The following HECW1 variants were observed in gnomAD, a reference collection of about 807,000 sequenced individuals.
HECW1 encodes the protein E3 ubiquitin-protein ligase HECW1.
In HECW1, 61 loss-of-function variants were observed where a neutral mutation model predicts 182.3. The observed-to-expected ratio is 0.33, with a 90% CI of 0.27 to 0.41. The LOEUF is 0.41. Ranked by LOEUF, HECW1 falls within the 10% of genes least tolerant of loss-of-function variation. The pLI is 1.00. For synonymous variants in HECW1, 859 were observed against 832.6 expected, an observed-to-expected ratio of 1.03 and a Z score of -0.55; for missense variants, 1,739 against 2,108.9, an observed-to-expected ratio of 0.82 and a Z score of 3.44.
At chr7:43,520,389 A>G (rs1200974260) in intron 24 of HECW1, among the ~76,000 whole-genome samples, 1 of 152,066 alleles carries the variant, frequency 6.6e-6, no homozygotes, top group Non-Finnish European at 1.5e-5. Flanking sequence ...CTGCCTTGAG[A>G]CACCATCTGC....
At chr7:43,119,742 A>C (rs918438462) in intron 2 of HECW1, among the ~76,000 whole-genome samples, 1 of 152,150 alleles carries the variant, frequency 6.6e-6, no homozygotes, top group African/African-American at 2.4e-5. Flanking sequence ...TCTCAGGGAC[A>C]ACTCTGTCCT....
intron 14 of HECW1, among the ~76,000 whole-genome samples, chr7:43,466,152 A>AGAAGGAAGGAAG: frequency 6.8e-6 from 1 of 147,976 alleles, no homozygotes; most frequent in South Asian, 2.2e-4. Context: ...AGAGAGAGAA[A>AGAAGGAAGGAAG]GAAGGAAGGA....
At chr7:43,552,602 A>G (rs1480914769) in intron 28 of HECW1, among the ~76,000 whole-genome samples, 3 of 152,138 alleles carry the variant, frequency 2.0e-5, no homozygotes, top group Admixed American at 2.0e-4. Context: ...GGCAACCATC[A>G]ATCTGCCTTC....
At chr7:43,466,090 AAG>A (rs1256796497) in intron 14 of HECW1, among the ~76,000 whole-genome samples, 13 of 148,094 alleles carry the variant, frequency 8.8e-5, no homozygotes, top group African/African-American at 2.7e-4. Flanking sequence ...AGAGAGAAGA[AAG>A]AGAAAGAAGG....
intron 3 of HECW1, among the ~76,000 whole-genome samples, chr7:43,266,702 T>A (rs1406099628): frequency 2.0e-5 from 3 of 152,164 alleles, no homozygotes; most frequent in Non-Finnish European, 2.9e-5. Context: ...AAATATATAT[T>A]TTTATTATAC....
chr7:43,274,919 A>T (rs1480940127), intron 3 of HECW1, among the ~76,000 whole-genome samples: 3 of 152,188 alleles, frequency 2.0e-5, no homozygotes, highest in African/African-American at 7.2e-5. Context: ...TAAAAAAATT[A>T]AAAACTATAC....
chr7:43,209,315 G>C (rs1178912093), intron 2 of HECW1, among the ~76,000 whole-genome samples: 1 of 152,162 alleles, frequency 6.6e-6, no homozygotes, highest in Non-Finnish European at 1.5e-5. Flanking sequence ...CAGAGCCAGA[G>C]CTGATGATGC....
chr7:43,444,927 G>A lies in HECW1; in HGVS notation c.1755G>A (p.Ala585=), dbSNP rs747641561. 1.0e-5 allele frequency: 16 copies of A among 1,591,986 alleles called. No individual in the cohort carries two copies. The highest frequency in any genetic ancestry group is 8.0e-5 in the African/African-American group (6 of 74,580). Residue 585 remains alanine (A), a synonymous_variant, in exon 11 of 30, where the codon GCG becomes GCA. Coordinates refer to ENST00000395891, the MANE Select transcript of HECW1 (RefSeq NM_015052.5). This position sits in a 1 kb window ranked among gnomAD's most constrained non-coding sequence, Gnocchi z 4.3. ...GCGCGGCAGAGGAGGAGGACGGCGC[G>A]GAGGAGGAGTCCACCCTCAAGGACT... ...GGSAAEEEDG[A]EEESTLKDSS... is the part of the protein sequence containing the mutation.
At chr7:43,473,141 G>A (rs529886536) in intron 16 of HECW1, among the ~76,000 whole-genome samples, 1 of 152,182 alleles carries the variant, frequency 6.6e-6, no homozygotes, top group South Asian at 2.1e-4. Flanking sequence ...AAAACAGCCT[G>A]GCACCCACCC....
At chr7:43,226,289 C>T (rs993736891) in intron 2 of HECW1, among the ~76,000 whole-genome samples, 3 of 152,112 alleles carry the variant, frequency 2.0e-5, no homozygotes, top group African/African-American at 7.2e-5. Context: ...TTCTTATTTC[C>T]GTAATTTTGC....
At chr7:43,453,472 A>G (rs2077301360) in intron 12 of HECW1, among the ~76,000 whole-genome samples, 1 of 152,204 alleles carries the variant, frequency 6.6e-6, no homozygotes, top group Non-Finnish European at 1.5e-5. Flanking sequence ...GAAGGATCCA[A>G]CACTTGGTTT....
chr7:43,165,046 T>A (rs1790957688), intron 2 of HECW1, among the ~76,000 whole-genome samples: 1 of 152,206 alleles, frequency 6.6e-6, no homozygotes, highest in Non-Finnish European at 1.5e-5. Flanking sequence ...ACATTTCCAC[T>A]TTTGGAGAAA....
At chr7:43,128,340 C>A (rs898914407) in intron 2 of HECW1, among the ~76,000 whole-genome samples, 23 of 152,238 alleles carry the variant, frequency 1.5e-4, no homozygotes, top group Admixed American at 5.9e-4. Flanking sequence ...AAGTTGAAGC[C>A]AATGCCCATT....
At chr7:43,315,769 C>T (rs1809162817) in intron 4 of HECW1, among the ~76,000 whole-genome samples, 1 of 152,166 alleles carries the variant, frequency 6.6e-6, no homozygotes. Flanking sequence ...CCTGGGATTA[C>T]AGGCGTGATC....
intron 2 of HECW1, among the ~76,000 whole-genome samples, chr7:43,203,507 A>G (rs1795194804): frequency 6.6e-6 from 1 of 152,206 alleles, no homozygotes; most frequent in East Asian, 1.9e-4. Context: ...GCTGGAGGGC[A>G]GTGGCACAAT....
At chr7:43,550,980 G>A (rs1393776580) in intron 27 of HECW1, among the ~76,000 whole-genome samples, 6 of 152,188 alleles carry the variant, frequency 3.9e-5, no homozygotes, top group Admixed American at 3.9e-4. Context: ...ACTGTCACTA[G>A]AATTTTATTT....
chr7:43,443,839 TC>T (rs1264119849), intron 10 of HECW1, among the ~76,000 whole-genome samples: 2 of 152,130 alleles, frequency 1.3e-5, no homozygotes, highest in Non-Finnish European at 2.9e-5. Flanking sequence ...CTAAATATAA[TC>T]ATCAAGGAGC....
intron 2 of HECW1, among the ~76,000 whole-genome samples, chr7:43,225,745 C>G (rs2152705734): frequency 6.6e-6 from 1 of 151,610 alleles, no homozygotes; most frequent in East Asian, 1.9e-4. Context: ...TCTATGAGAT[C>G]AATATAGAAT....
chr7:43,490,169 AGG>A (rs1377124309), intron 17 of HECW1, among the ~76,000 whole-genome samples: 1 of 152,222 alleles, frequency 6.6e-6, no homozygotes, highest in Non-Finnish European at 1.5e-5. Context: ...TTGGCAACAA[AGG>A]GTTGAGTCTC....
Sources: gnomAD v4.1 joint callset for allele counts (sites outside exome capture counted in the v4.1 genomes callset) on GRCh38, gnomAD v4.1.1 for gene constraint, Gnocchi (gnomAD v3.1) non-coding constraint, MANE v1.5 for transcripts, NCBI Gene and HGNC (gene_info 2026-07-23, HGNC 2026-07-21) for gene names.